TTLL7: variants seen among roughly 807,000 people sequenced by gnomAD.
The protein encoded by TTLL7 is tubulin tyrosine ligase like 7.
TTLL7 carries 53 observed loss-of-function variants against 120.2 expected under a neutral mutation model. The observed-to-expected ratio is 0.44, with a 90% CI of 0.35 to 0.55. The LOEUF (loss-of-function observed/expected upper bound fraction) is 0.55. Among genes scored for constraint, TTLL7 ranks in the 20% least tolerant of loss-of-function variants. TTLL7 has a pLI of 0.00. For missense variants in TTLL7, 803 were observed against 1,054.7 expected, an observed-to-expected ratio of 0.76 and a Z score of 3.31; for synonymous variants, 353 against 351.7, an observed-to-expected ratio of 1.00 and a Z score of -0.04.
chr1:83,945,778 T>A (rs549136997), intron 6 of TTLL7, among the ~76,000 whole-genome samples: 2 of 151,992 alleles, frequency 1.3e-5, no homozygotes, highest in African/African-American at 4.8e-5. Context: ...TATTAAATTT[T>A]TAACATTAAA....
At chr1:83,881,157 A>T (rs373872879) in intron 20 of TTLL7, among the ~76,000 whole-genome samples, 2 of 151,350 alleles carry the variant, frequency 1.3e-5, no homozygotes, top group East Asian at 1.9e-4. Flanking sequence ...AACCTAGGCA[A>T]TACCATTCAG....
chr1:83,957,396 G>A (rs1649622391), intron 1 of TTLL7, among the ~76,000 whole-genome samples: 1 of 151,792 alleles, frequency 6.6e-6, no homozygotes, highest in Admixed American at 6.6e-5. Flanking sequence ...CCAAAAATAG[G>A]GTTAAGTTAA....
chr1:83,919,578 C>G (rs1658473610), intron 13 of TTLL7, 121 bp downstream of exon 13: 1 of 897,076 alleles, frequency 1.1e-6, no homozygotes, highest in Admixed American at 3.5e-5. Flanking sequence ...AAATAGAAAG[C>G]TTGGGGAAAG....
chr1:83,954,062 T>C (rs559484559), intron 1 of TTLL7, among the ~76,000 whole-genome samples: 1 of 152,310 alleles, frequency 6.6e-6, no homozygotes, highest in Admixed American at 6.5e-5. Flanking sequence ...GGGAAGTAAC[T>C]ATTTGAGTTT....
chr1:83,892,460 GAACA>G (rs1655670094), intron 18 of TTLL7, among the ~76,000 whole-genome samples: 1 of 35,258 alleles, frequency 2.8e-5, no homozygotes, highest in Non-Finnish European at 8.5e-5. Context: ...GAACATATAT[GAACA>G]TATATATGAA....
intron 7 of TTLL7, among the ~76,000 whole-genome samples, chr1:83,938,313 T>C (rs906688638): frequency 6.6e-6 from 1 of 152,158 alleles, no homozygotes; most frequent in Non-Finnish European, 1.5e-5. Flanking sequence ...AAACTACATA[T>C]TGCTAAGCAA....
At chr1:83,925,841 G>T (rs1659059751) in intron 10 of TTLL7, among the ~76,000 whole-genome samples, 1 of 152,084 alleles carries the variant, frequency 6.6e-6, no homozygotes, top group African/African-American at 2.4e-5. Flanking sequence ...TGTCCAGTAG[G>T]CTGGGCACAG....
chr1:83,911,638 G>T (rs911567226), intron 14 of TTLL7, among the ~76,000 whole-genome samples: 2 of 151,328 alleles, frequency 1.3e-5, no homozygotes, highest in Non-Finnish European at 3.0e-5. Flanking sequence ...CATAAACAAA[G>T]AATAACAAAA....
intron 20 of TTLL7, among the ~76,000 whole-genome samples, chr1:83,881,504 C>T (rs1317425035): frequency 6.6e-6 from 1 of 152,070 alleles, no homozygotes; most frequent in African/African-American, 2.4e-5. Context: ...CCATCACTGG[C>T]CATCAGAGAA....
intron 14 of TTLL7, among the ~76,000 whole-genome samples, chr1:83,917,186 A>T (rs1029443978): frequency 6.6e-6 from 1 of 152,120 alleles, no homozygotes; most frequent in African/African-American, 2.4e-5. Context: ...TATTTTAACT[A>T]AAACAAAATC....
Position 83,866,356 on chromosome 1 carries a change from G to T in TTLL7, c.*3606C>A, listed in dbSNP as rs945044707. On this transcript the variant is annotated 3_prime_UTR_variant, in exon 21 of 21. Transcript: ENST00000260505. ...GACATGCTAAAGAAGAACGTATTTG[G>T]ATTATTAAAACATCTGAAATTTCAA... 5.3e-5 allele frequency: 8 copies of T among 151,594 alleles called. No individual in the cohort carries two copies. The highest frequency in any genetic ancestry group is 1.9e-4 in the African/African-American group (8 of 41,364). The allele number at this position is 151,594 out of a possible 1,614,324, so 9.4% of individuals were successfully genotyped here.
At chr1:83,942,767 G>T in intron 6 of TTLL7, 88 bp from the exon 7 acceptor site, 1 of 906,072 alleles carries the variant, frequency 1.1e-6, no homozygotes, top group Non-Finnish European at 1.6e-6. Flanking sequence ...GGAAAATAGT[G>T]GAGTAAGGGA....
chr1:83,926,009 T>C (rs941946200), intron 10 of TTLL7, among the ~76,000 whole-genome samples: 4 of 151,514 alleles, frequency 2.6e-5, no homozygotes, highest in African/African-American at 9.7e-5. Context: ...TAATCCCAGC[T>C]ACTCGGGAGG....
intron 10 of TTLL7, 74 bp from the exon 11 acceptor site, chr1:83,921,468 C>T (rs890763838): frequency 4.6e-6 from 7 of 1,519,524 alleles, no homozygotes; most frequent in African/African-American, 4.2e-5. Flanking sequence ...GGAGAATTTG[C>T]AGAACAGGAG....
intron 1 of TTLL7, among the ~76,000 whole-genome samples, chr1:83,969,817 G>C (rs1650812781): frequency 6.6e-6 from 1 of 151,918 alleles, no homozygotes; most frequent in Non-Finnish European, 1.5e-5. Context: ...AATTGAAAAT[G>C]AAGATCTTTC....
In TTLL7 at chr1:83,951,890, T is replaced by C; in HGVS notation, c.112A>G (p.Lys38Glu). The change falls in exon 3 of 21, where the codon AAG becomes GAG. Residue 38 changes from lysine to glutamate, a missense_variant. By Grantham distance (56) the Lys-to-Glu change is moderately conservative. This residue lies in a region of TTLL7 where 91 missense variants were observed against 96.6 expected (regional missense o/e 0.94). Coordinates refer to ENST00000260505, the MANE Select transcript of TTLL7 (RefSeq NM_024686.6). The stretch of plus-strand genomic sequence containing the variant: ...GCAACATTTGCTGTAATGGTTCCCT[T>C]CTTTTTCTTCTTTCTGACTTTCCTT... ...MKRKVRKKKK[K>E]GTITANVAGT... 2 of 1,613,594 alleles carry C rather than the reference T, an allele frequency of 1.2e-6. No homozygotes were observed. Among genetic ancestry groups the C allele is most frequent in the Non-Finnish European group, 1.7e-6 (2 of 1,179,818 alleles).
chr1:83,924,485 T>C (rs562035883), intron 10 of TTLL7, among the ~76,000 whole-genome samples: 2 of 152,300 alleles, frequency 1.3e-5, no homozygotes, highest in Admixed American at 1.3e-4. Flanking sequence ...ATACATATGA[T>C]TCCACTCTTA....
intron 1 of TTLL7, chr1:83,981,244 A>G (rs1275885165): frequency 6.6e-6 from 1 of 152,202 alleles, no homozygotes; most frequent in Admixed American, 6.5e-5. Context: ...AACTATACAT[A>G]TCTATAAAAA....
intron 9 of TTLL7, among the ~76,000 whole-genome samples, chr1:83,932,369 A>T (rs546917085): frequency 2.0e-5 from 3 of 152,166 alleles, no homozygotes; most frequent in Non-Finnish European, 2.9e-5. Flanking sequence ...AGCAAGATGA[A>T]GGGTCCATAG....
Sources: allele counts gnomAD v4.1 joint callset (sites outside exome capture counted in the v4.1 genomes callset), GRCh38; gene constraint gnomAD v4.1.1; regional missense constraint gnomAD v4.1.1; transcripts MANE v1.5; gene names NCBI Gene and HGNC (gene_info 2026-07-23, HGNC 2026-07-21).